Variants in GSDME observed in about 807,000 individuals in gnomAD.
GSDME encodes gasdermin E, also known as gasdermin-E.
In GSDME, 44 loss-of-function variants were observed where a neutral mutation model predicts 47.5. That is an observed-to-expected ratio of 0.93 (90% CI 0.73 to 1.19). The LOEUF (loss-of-function observed/expected upper bound fraction) is 1.19, where lower values mean the gene tolerates loss of function less well. Among genes scored for constraint, GSDME ranks in the 50% most tolerant of loss-of-function variants. The pLI is 0.00. For synonymous variants in GSDME, 258 were observed against 252.8 expected (o/e 1.02, Z -0.20); for missense variants, 663 against 604.2 (o/e 1.10, Z -1.02).
At chr7:24,752,777 G>A (rs185337336) in intron 1 of GSDME, among the ~76,000 whole-genome samples, 2 of 152,302 alleles carry the variant, frequency 1.3e-5, no homozygotes, top group East Asian at 3.9e-4. Flanking sequence ...CACTGTTATG[G>A]CTTCTAATTC....
chr7:24,706,113 A>C, intron 8 of GSDME, 71 bp downstream of exon 8: 1 of 1,567,820 alleles, frequency 6.4e-7, no homozygotes, highest in Admixed American at 1.7e-5. Flanking sequence ...CTGTGTCCCC[A>C]GAAGCATAGA....
chr7:24,735,410 T>G lies in GSDME; in HGVS notation c.404+9152A>C, dbSNP rs896151831. On this transcript the variant is annotated intron_variant, in intron 3 of 9. Transcript: ENST00000645220. The surrounding 1 kb of genome is among the most constrained non-coding windows in gnomAD (Gnocchi z 4.4). ...CTATTATAACACTGTCACTGTGGTA[T>G]GTAAACTACTCATATCTTAAGCAGA... Among the ~76,000 whole-genome samples, 1 of 152,204 alleles carries G rather than the reference T, an allele frequency of 6.6e-6. No individual in the cohort carries two copies. Among genetic ancestry groups the G allele is most frequent in the African/African-American group, 2.4e-5 (1 of 41,444 alleles).
chr7:24,778,752 C>T, the GSDME span, among the ~76,000 whole-genome samples: 3,519 of 152,266 alleles, frequency 0.023, 147 homozygotes, highest in African/African-American at 0.081. The surrounding 1 kb of genome is among the most constrained non-coding windows in gnomAD (Gnocchi z 5.6). Context: ...AGAAGCTGCA[C>T]GTACCACTGT....
intron 5 of GSDME, 148 bp downstream of exon 5, chr7:24,717,106 G>A (rs1426221815): frequency 6.7e-6 from 6 of 891,552 alleles, no homozygotes; most frequent in Middle Eastern, 2.2e-4. Flanking sequence ...CAGGGACCAT[G>A]TCTTGGGACA....
Position 24,735,363 on chromosome 7 carries a change from A to G in GSDME, c.404+9199T>C, listed in dbSNP as rs1790270012. 6.6e-6 allele frequency among the ~76,000 whole-genome samples: 1 copy of G among 152,212 alleles called. No individual in the cohort carries two copies. Among genetic ancestry groups the G allele is most frequent in the Non-Finnish European group, 1.5e-5 (1 of 68,042 alleles). ...ATCTGAAAGTCCAAAATGTACTTGT[A>G]AGTACACAGAAAAAACACAGACTAT... On this transcript the variant is annotated intron_variant, in intron 3 of 9. Transcript: ENST00000645220. The surrounding 1 kb of genome is among the most constrained non-coding windows in gnomAD (Gnocchi z 4.4).
intron 3 of GSDME, among the ~76,000 whole-genome samples, chr7:24,719,943 G>A (rs1789713555): frequency 6.6e-6 from 1 of 152,220 alleles, no homozygotes; most frequent in African/African-American, 2.4e-5. Context: ...GATTATGATG[G>A]GAGGAATGGT....
At chr7:24,775,802 G>T in the GSDME span, among the ~76,000 whole-genome samples, 2 of 148,216 alleles carry the variant, frequency 1.3e-5, no homozygotes, top group Admixed American at 1.4e-4. Context: ...TTGAACCCAG[G>T]AGGTGGAAGT....
upstream of GSDME, among the ~76,000 whole-genome samples, chr7:24,759,912 G>C (rs954036556): frequency 5.3e-5 from 8 of 152,174 alleles, no homozygotes; most frequent in African/African-American, 1.9e-4. Context: ...TTGTTAAATA[G>C]ACTATTTGAA....
chr7:24,704,611 C>T (rs1789016569), intron 8 of GSDME: 1 of 152,162 alleles, frequency 6.6e-6, no homozygotes, highest in African/African-American at 2.4e-5. Context: ...TAGACATTGC[C>T]AGCTGCACCT....
chr7:24,714,024 G>A lies in GSDME; in HGVS notation c.697+3230C>T, dbSNP rs907893218. ...AGTGGGGAGACGTGCACAGATTCAG[G>A]TGCAGCGTGGGAAACAGGTTCACGC... is the stretch of plus-strand genomic sequence containing the variant. On this transcript the variant is annotated intron_variant, in intron 5 of 9. Transcript: ENST00000645220. This position sits in a 1 kb window ranked among gnomAD's most constrained non-coding sequence, Gnocchi z 5.0. Among the ~76,000 whole-genome samples the A allele has an allele frequency of 5.9e-5, 9 of 152,238 alleles. No homozygotes were observed. The highest frequency in any genetic ancestry group is 1.9e-4 in the African/African-American group (8 of 41,460).
At chr7:24,792,830 G>A in the GSDME span, among the ~76,000 whole-genome samples, 3 of 152,086 alleles carry the variant, frequency 2.0e-5, no homozygotes, top group Admixed American at 6.5e-5. Context: ...TGATAAGAAC[G>A]TAATTTTCAG....
the GSDME span, among the ~76,000 whole-genome samples, chr7:24,769,358 C>G: frequency 3.9e-5 from 6 of 152,270 alleles, no homozygotes; most frequent in African/African-American, 7.2e-5. Flanking sequence ...CAGGTTCTCA[C>G]AGGGAATATC....
In GSDME at chr7:24,717,167, G is replaced by A. The variant is rs753516721; in HGVS notation, c.697+87C>T. 7.2e-4 allele frequency: 829 copies of A among 1,155,834 alleles called. 1 individual carries two copies. Among genetic ancestry groups the A allele is most frequent in the Non-Finnish European group, 9.2e-4 (776 of 839,484 alleles). 71.6% of individuals were successfully genotyped at this position (1,155,834 alleles called of 1,614,324 possible). ...CTCTCTTCCCACAGTCTCCAAAGCAGTCGAGTCCTCTGGAAAGCAGTCAAG... is the reference window on the plus strand; with the variant it reads ...CTCTCTTCCCACAGTCTCCAAAGCAATCGAGTCCTCTGGAAAGCAGTCAAG... On this transcript the variant is annotated intron_variant, in intron 5 of 9. Transcript: ENST00000645220.
At chr7:24,722,637 C>T (rs1265280095) in intron 3 of GSDME, among the ~76,000 whole-genome samples, 1 of 152,218 alleles carries the variant, frequency 6.6e-6, no homozygotes, top group Non-Finnish European at 1.5e-5. Flanking sequence ...AAATCACAGC[C>T]CTCCTACCCG....
intron 7 of GSDME, chr7:24,707,219 A>G (rs1789147132): frequency 2.3e-6 from 1 of 441,224 alleles, no homozygotes. Flanking sequence ...AAAGCACTAA[A>G]TCAGTTATTC....
Position 24,714,989 on chromosome 7 carries a change from G to T in GSDME, c.697+2265C>A, listed in dbSNP as rs1363674355. 2.0e-5 allele frequency among the ~76,000 whole-genome samples: 3 copies of T among 152,190 alleles called. No homozygotes were observed. Among genetic ancestry groups the T allele is most frequent in the African/African-American group, 4.8e-5 (2 of 41,446 alleles). On this transcript the variant is annotated intron_variant, in intron 5 of 9. Transcript: ENST00000645220. This position sits in a 1 kb window ranked among gnomAD's most constrained non-coding sequence, Gnocchi z 5.0. ...GTCTGTTGATGGACAAATAGATAAAGAAAATTGATGTATTTACACAATGGA... is the reference window on the plus strand; with the variant it reads ...GTCTGTTGATGGACAAATAGATAAATAAAATTGATGTATTTACACAATGGA...
chr7:24,769,448 C>G, the GSDME span, among the ~76,000 whole-genome samples: 2 of 152,172 alleles, frequency 1.3e-5, no homozygotes, highest in African/African-American at 2.4e-5. Context: ...CTGTTCTTAA[C>G]GAGGCCTGTC....
At chr7:24,786,673 T>G in the GSDME span, among the ~76,000 whole-genome samples, 1 of 152,168 alleles carries the variant, frequency 6.6e-6, no homozygotes, top group African/African-American at 2.4e-5. The surrounding 1 kb of genome is among the most constrained non-coding windows in gnomAD (Gnocchi z 5.5). Context: ...TGTTTAAAAT[T>G]TAGTCTAAAT....
rs34784803 is a variant in GSDME, at chr7:24,732,903, TG to T, written c.404+11658del. ...GTGCTGGGCTCAGAGCCAGTGGATT[TG>T]GGGGGTGGGTACACAACCTACTGAG... On this transcript the variant is annotated intron_variant, in intron 3 of 9. Coordinates refer to ENST00000645220, the MANE Select transcript of GSDME (RefSeq NM_001127453.2). The surrounding 1 kb of genome is among the most constrained non-coding windows in gnomAD (Gnocchi z 4.8). Among the ~76,000 whole-genome samples the T allele has an allele frequency of 6.6e-6, 1 of 152,088 alleles. No homozygotes were observed. The highest frequency in any genetic ancestry group is 2.4e-5 in the African/African-American group (1 of 41,410).
Sources: allele counts gnomAD v4.1 joint callset (sites outside exome capture counted in the v4.1 genomes callset), GRCh38; gene constraint gnomAD v4.1.1; non-coding constraint Gnocchi (gnomAD v3.1); transcripts MANE v1.5; gene names NCBI Gene and HGNC (gene_info 2026-07-23, HGNC 2026-07-21).